DHX29: variants seen among roughly 807,000 people sequenced by gnomAD.
DHX29 encodes DExH-box helicase 29, also known as ATP-dependent RNA helicase DHX29.
Under a neutral mutation model 167.9 loss-of-function variants are expected in DHX29, and 79 were observed. That is an observed-to-expected ratio of 0.47 (90% CI 0.39 to 0.57). DHX29 has a LOEUF of 0.57. Ranked by LOEUF, DHX29 falls within the 20% of genes least tolerant of loss-of-function variation. DHX29 has a pLI of 0.00. For missense variants in DHX29, 1,347 were observed against 1,593.4 expected (o/e 0.85, Z 2.63); for synonymous variants, 530 against 546.0 (o/e 0.97, Z 0.41).
intron 18 of DHX29, among the ~76,000 whole-genome samples, chr5:55,271,862 T>C (rs1579767473): frequency 6.6e-6 from 1 of 152,174 alleles, no homozygotes; most frequent in East Asian, 1.9e-4. Context: ...TTTCTAAAAG[T>C]AGCAGTATAC....
At chr5:55,279,201 G>C (rs1024035811) in intron 12 of DHX29, among the ~76,000 whole-genome samples, 1 of 152,108 alleles carries the variant, frequency 6.6e-6, no homozygotes, top group South Asian at 2.1e-4. Context: ...CAAAATAAAA[G>C]GACTATATGA....
chr5:55,289,577 CT>C, intron 7 of DHX29, 149 bp from the exon 8 acceptor site: 1 of 568,410 alleles, frequency 1.8e-6, no homozygotes. Flanking sequence ...TGCATTCCTT[CT>C]TTTTCCTTGT....
At chr5:55,280,109 A>G (rs1373135669) in intron 12 of DHX29, among the ~76,000 whole-genome samples, 4 of 152,134 alleles carry the variant, frequency 2.6e-5, no homozygotes, top group Non-Finnish European at 5.9e-5. Context: ...GGTCCTGTAT[A>G]ATGTCATGGA....
Position 55,298,528 on chromosome 5 carries a change from T to A in DHX29, c.261+63A>T, listed in dbSNP as rs1748431954. 5.0e-6 allele frequency: 5 copies of A among 1,001,052 alleles called. No individual in the cohort carries two copies. In the Admixed American group the frequency reaches 9.6e-5, roughly 19 times the overall value. 62.0% of individuals were successfully genotyped at this position (1,001,052 alleles called of 1,614,324 possible). The stretch of plus-strand genomic sequence containing the variant: ...TCATTTTCTTACATTTAAGGATACA[T>A]CTTTTTTGGGGGAAAAAAGGGGGAA... On this transcript the variant is annotated intron_variant, in intron 2 of 26. Coordinates refer to ENST00000251636, the MANE Select transcript of DHX29 (RefSeq NM_019030.4).
intron 1 of DHX29, among the ~76,000 whole-genome samples, chr5:55,306,169 G>C (rs1310738823): frequency 6.6e-6 from 1 of 152,140 alleles, no homozygotes; most frequent in Non-Finnish European, 1.5e-5. Context: ...ATAAATCGCA[G>C]GGCAAAGAAC....
At chr5:55,257,706 A>G (rs1273875666) in intron 26 of DHX29, among the ~76,000 whole-genome samples, 1 of 152,238 alleles carries the variant, frequency 6.6e-6, no homozygotes, top group African/African-American at 2.4e-5. Context: ...TAAATCCAAG[A>G]GAGAGCACTA....
Position 55,274,527 on chromosome 5 carries a change from CTT to C in DHX29, c.2690+85_2690+86del, listed in dbSNP as rs1747009934. The C allele has an allele frequency of 2.6e-5, 26 of 992,490 alleles. No homozygotes were observed. In the South Asian group the frequency reaches 4.2e-4, roughly 16 times the overall value. The allele number at this position is 992,490 out of a possible 1,614,324, so 61.5% of individuals were successfully genotyped here. On this transcript the variant is annotated intron_variant, in intron 16 of 26. Coordinates refer to ENST00000251636, the MANE Select transcript of DHX29 (RefSeq NM_019030.4). ...GTAATTTTAACCCATGGTGAAAAGACTTTGAAAACTCTGATCAAGGGTTTTAA... is the reference window on the plus strand; with the variant it reads ...GTAATTTTAACCCATGGTGAAAAGACTGAAAACTCTGATCAAGGGTTTTAA...
intron 10 of DHX29, among the ~76,000 whole-genome samples, chr5:55,285,083 T>C (rs1747646450): frequency 6.6e-6 from 1 of 152,338 alleles, no homozygotes; most frequent in Middle Eastern, 3.4e-3. Flanking sequence ...TAAATTAGCA[T>C]AGCTCCAAAA....
At position 55,270,435 on chromosome 5, in the gene DHX29, C is replaced by T; in HGVS notation, c.3046G>A (p.Glu1016Lys). 1 of 1,611,300 alleles carries T rather than the reference C, an allele frequency of 6.2e-7. No individual in the cohort carries two copies. Among genetic ancestry groups the T allele is most frequent in the Non-Finnish European group, 8.5e-7 (1 of 1,179,072 alleles). The change falls in exon 20 of 27, where the codon GAG (glutamate) becomes AAG (lysine). Residue 1016 changes from glutamate (E) to lysine (K), a missense_variant. Coordinates refer to ENST00000251636, the MANE Select transcript of DHX29 (RefSeq NM_019030.4). ...SVPEILRVPLEELCLHIMKCN... is the reference protein window; with the variant it reads ...SVPEILRVPLKELCLHIMKCN... ...ACCATAATATGAAGGCATAATTCCT[C>T]CAAAGGTACACGTAAGATTTCAGGA...
intron 16 of DHX29, 27 bp from the exon 17 acceptor site, chr5:55,273,404 C>T: frequency 6.6e-7 from 1 of 1,520,320 alleles, no homozygotes; most frequent in Non-Finnish European, 8.9e-7. Flanking sequence ...TAGTTCTTAG[C>T]AAGAGTTTCT....
At chr5:55,267,869 A>G in intron 21 of DHX29, 47 bp from the exon 22 acceptor site, 2 of 1,437,560 alleles carry the variant, frequency 1.4e-6, no homozygotes, top group South Asian at 3.1e-5. Flanking sequence ...TTAAAGAGCA[A>G]TACAGTGAAA....
chr5:55,256,085 G>A lies in DHX29; in HGVS notation c.*403C>T, dbSNP rs183391340. 1.3e-3 allele frequency among the ~76,000 whole-genome samples: 204 copies of A among 152,214 alleles called. 2 individuals carry two copies. The Middle Eastern group carries it at 0.024, about 18-fold the overall frequency. On this transcript the variant is annotated 3_prime_UTR_variant, in exon 27 of 27. Coordinates refer to ENST00000251636, the MANE Select transcript of DHX29 (RefSeq NM_019030.4). ...TTTCATGGAAATTTAATTATAATTG[G>A]TTTTGGAGATTATTTTCCCTTCTGG...
intron 6 of DHX29, among the ~76,000 whole-genome samples, chr5:55,293,000 A>AT (rs1748128958): frequency 6.6e-6 from 1 of 152,186 alleles, no homozygotes; most frequent in Non-Finnish European, 1.5e-5. Flanking sequence ...AGAATATAAA[A>AT]AAGAATTCTC....
chr5:55,285,271 A>G, intron 10 of DHX29, 22 bp downstream of exon 10: 1 of 1,612,708 alleles, frequency 6.2e-7, no homozygotes, highest in Non-Finnish European at 8.5e-7. Flanking sequence ...ATACAGATAT[A>G]GTTAGGCCTA....
intron 3 of DHX29, among the ~76,000 whole-genome samples, chr5:55,296,861 T>C (rs1441021205): frequency 1.3e-5 from 2 of 152,174 alleles, no homozygotes; most frequent in African/African-American, 4.8e-5. Context: ...TAAAGCATAA[T>C]CATTATGGTT....
At chr5:55,291,014 C>CA (rs970448917) in intron 6 of DHX29, among the ~76,000 whole-genome samples, 6 of 150,304 alleles carry the variant, frequency 4.0e-5, no homozygotes, top group African/African-American at 9.8e-5. Context: ...GACTCTGTCT[C>CA]AAAAAAAAAT....
Position 55,294,011 on chromosome 5 carries a change from A to G in DHX29, c.780+6T>C. The G allele has an allele frequency of 6.2e-7, 1 of 1,603,312 alleles. No homozygotes were observed. The highest frequency in any genetic ancestry group is 8.5e-7 in the Non-Finnish European group (1 of 1,176,790). On this transcript the variant is annotated splice_donor_region_variant and intron_variant, in intron 6 of 26. Transcript: ENST00000251636. ...AGTTAGAAGCCTAACACAAATTTCT[A>G]CTCACAGGGTCAAATTTTTCCTCCT...
chr5:55,261,222 C>A, intron 25 of DHX29, 146 bp downstream of exon 25: 4 of 444,884 alleles, frequency 9.0e-6, no homozygotes, highest in South Asian at 6.5e-5. Context: ...GATTTAAAAC[C>A]ACAGAGGCAA....
intron 12 of DHX29, among the ~76,000 whole-genome samples, 167 bp downstream of exon 12, chr5:55,281,205 T>G (rs560661277): frequency 9.2e-5 from 14 of 152,076 alleles, no homozygotes; most frequent in African/African-American, 2.9e-4. Context: ...TTATATAGTA[T>G]TTATGAAACC....
Sources: allele counts gnomAD v4.1 joint callset (sites outside exome capture counted in the v4.1 genomes callset), GRCh38; gene constraint gnomAD v4.1.1; transcripts MANE v1.5; gene names NCBI Gene and HGNC (gene_info 2026-07-23, HGNC 2026-07-21).